TENM2: variants seen among roughly 807,000 people sequenced by gnomAD.
TENM2 encodes teneurin transmembrane protein 2.
A neutral mutation model predicts 245.2 loss-of-function variants in TENM2; 52 were observed. The ratio of observed to expected loss-of-function variants is 0.21; its 90% CI spans 0.17 to 0.27. The LOEUF (loss-of-function observed/expected upper bound fraction) is 0.27. Ranked by LOEUF, TENM2 falls within the 10% of genes least tolerant of loss-of-function variation. The pLI is 1.00. For missense variants in TENM2, 3,046 were observed against 3,666.8 expected (o/e 0.83, Z 4.37); for synonymous variants, 1,363 against 1,438.9 (o/e 0.95, Z 1.19).
At chr5:168,135,793 C>G (rs1754997335) in intron 12 of TENM2, among the ~76,000 whole-genome samples, 1 of 152,096 alleles carries the variant, frequency 6.6e-6, no homozygotes, top group Non-Finnish European at 1.5e-5. Flanking sequence ...AAAGGAGAGG[C>G]CTGTTTGGTC....
At chr5:167,395,385 G>T (rs551293110) in intron 2 of TENM2, among the ~76,000 whole-genome samples, 26 of 152,218 alleles carry the variant, frequency 1.7e-4, no homozygotes, top group African/African-American at 5.1e-4. Context: ...AGGTTGTGGG[G>T]TTGGGATATT....
At chr5:167,635,020 C>G (rs1314599558) in intron 2 of TENM2, among the ~76,000 whole-genome samples, 2 of 152,082 alleles carry the variant, frequency 1.3e-5, no homozygotes, top group Non-Finnish European at 2.9e-5. Context: ...ACTGGGTACC[C>G]CTACAGGCTT....
chr5:167,202,395 AATCTACC>A, the TENM2 span, among the ~76,000 whole-genome samples: 2 of 152,090 alleles, frequency 1.3e-5, no homozygotes, highest in African/African-American at 4.8e-5. Context: ...CTCAGCAAAG[AATCTACC>A]TTCTTCAGGA....
chr5:167,444,466 A>G (rs985624343), intron 2 of TENM2, among the ~76,000 whole-genome samples: 1 of 152,192 alleles, frequency 6.6e-6, no homozygotes, highest in African/African-American at 2.4e-5. Flanking sequence ...CAAATCAGAA[A>G]TTACTGTTGG....
rs115702590 is a variant in TENM2, at chr5:167,425,413, A to G, written c.502+49940A>G. On this transcript the variant is annotated intron_variant, in intron 2 of 28. Coordinates refer to ENST00000518659, the Ensembl canonical transcript of TENM2. ...CCCAGCTCCTAGGATGGCCTTGGAG[A>G]TTAAATGAGTTTGGGATAACAAATA... 5.6e-3 allele frequency among the ~76,000 whole-genome samples: 847 copies of G among 152,252 alleles called. 5 individuals are homozygous for G. The highest frequency in any genetic ancestry group is 0.019 in the African/African-American group (808 of 41,558).
At chr5:167,023,077 C>A in the TENM2 span, among the ~76,000 whole-genome samples, 1 of 152,308 alleles carries the variant, frequency 6.6e-6, no homozygotes, top group African/African-American at 2.4e-5. Context: ...CACTGACCCT[C>A]TTAAATGCTC....
chr5:167,819,249 C>A (rs971896359), intron 2 of TENM2, among the ~76,000 whole-genome samples: 6 of 152,136 alleles, frequency 3.9e-5, no homozygotes, highest in Non-Finnish European at 5.9e-5. Flanking sequence ...TGTTCTCTAT[C>A]CATTGCTTCC....
chr5:168,261,945 C>T (rs573694046), intron 28 of TENM2, 104 bp from the exon 31 acceptor site: 2 of 1,136,132 alleles, frequency 1.8e-6, no homozygotes, highest in Non-Finnish European at 2.5e-6. Context: ...ATAGACCCAA[C>T]ACTAGTTCTT....
chr5:167,014,978 C>T, the TENM2 span, among the ~76,000 whole-genome samples: 2 of 152,164 alleles, frequency 1.3e-5, no homozygotes, highest in Non-Finnish European at 2.9e-5. Flanking sequence ...TAAAAAGGTT[C>T]TAAAAAATTT....
chr5:167,587,235 T>C (rs543209320), intron 2 of TENM2, among the ~76,000 whole-genome samples: 1 of 152,328 alleles, frequency 6.6e-6, no homozygotes, highest in East Asian at 1.9e-4. Flanking sequence ...AGGCCCAATA[T>C]ATTTCTCTAT....
intron 1 of TENM2, among the ~76,000 whole-genome samples, chr5:167,360,617 A>G (rs1759656306): frequency 6.6e-6 from 1 of 152,166 alleles, no homozygotes; most frequent in Admixed American, 6.5e-5. Context: ...AAGAACCTGA[A>G]AATTTCTCCT....
chr5:167,937,149 C>T (rs755221676), intron 3 of TENM2, among the ~76,000 whole-genome samples: 12 of 152,202 alleles, frequency 7.9e-5, no homozygotes, highest in Non-Finnish European at 1.6e-4. Flanking sequence ...AAAATCTACT[C>T]GCTCAGCAAT....
intron 2 of TENM2, among the ~76,000 whole-genome samples, chr5:167,637,244 A>G (rs559265939): frequency 6.6e-6 from 1 of 152,332 alleles, no homozygotes; most frequent in African/African-American, 2.4e-5. Context: ...AGTATTAAAA[A>G]GAGAATTATT....
At chr5:168,019,436 A>G (rs1029818530) in intron 5 of TENM2, among the ~76,000 whole-genome samples, 2 of 152,132 alleles carry the variant, frequency 1.3e-5, no homozygotes, top group African/African-American at 2.4e-5. Context: ...AACAAGAACA[A>G]TGGCAGGGCA....
intron 2 of TENM2, among the ~76,000 whole-genome samples, chr5:167,559,339 C>T (rs185423450): frequency 2.6e-5 from 4 of 152,288 alleles, no homozygotes; most frequent in Admixed American, 2.6e-4. Context: ...AATTCATCCC[C>T]TTCATTCTGA....
At chr5:167,436,317 C>A (rs568488621) in intron 2 of TENM2, among the ~76,000 whole-genome samples, 8 of 152,050 alleles carry the variant, frequency 5.3e-5, no homozygotes, top group African/African-American at 1.9e-4. Context: ...GAACTCCTGA[C>A]CTCAAGTGTT....
At chr5:167,077,334 T>C in the TENM2 span, among the ~76,000 whole-genome samples, 18 of 152,306 alleles carry the variant, frequency 1.2e-4, no homozygotes, top group Non-Finnish European at 2.6e-4. Context: ...TTTTAAACTT[T>C]TTTTTCTTTT....
chr5:167,805,122 T>C (rs1325462864), intron 2 of TENM2, among the ~76,000 whole-genome samples: 1 of 152,132 alleles, frequency 6.6e-6, no homozygotes, highest in African/African-American at 2.4e-5. Context: ...CATGATTATG[T>C]AGCAATTGGG....
chr5:167,827,902 T>C (rs1768123716), intron 2 of TENM2, among the ~76,000 whole-genome samples: 1 of 152,148 alleles, frequency 6.6e-6, no homozygotes, highest in Admixed American at 6.6e-5. Context: ...AGGATCCCTG[T>C]GATGTCTGCC....
Sources: gnomAD v4.1 joint callset for allele counts (sites outside exome capture counted in the v4.1 genomes callset) on GRCh38, gnomAD v4.1.1 for gene constraint, MANE v1.5 for transcripts, NCBI Gene and HGNC (gene_info 2026-07-23, HGNC 2026-07-21) for gene names.